Variants in EPHA5 observed in about 807,000 individuals in gnomAD.
EPHA5 encodes EPH receptor A5, also known as ephrin type-A receptor 5.
EPHA5 carries 60 observed loss-of-function variants against 105.0 expected under a neutral mutation model. The ratio of observed to expected loss-of-function variants is 0.57; its 90% CI spans 0.46 to 0.71. The LOEUF is 0.71. Ranked by LOEUF, EPHA5 falls within the 30% of genes least tolerant of loss-of-function variation. The pLI, the probability that EPHA5 is intolerant of heterozygous loss-of-function variation, is 0.00. For missense variants in EPHA5, 1,218 were observed against 1,274.7 expected (o/e 0.96, Z 0.68); for synonymous variants, 513 against 449.1 (o/e 1.14, Z -1.80).
intron 4 of EPHA5, 123 bp downstream of exon 4, chr4:65,495,265 G>T: frequency 3.7e-6 from 4 of 1,095,336 alleles, no homozygotes; most frequent in Non-Finnish European, 3.9e-6. Flanking sequence ...AAACTGTATA[G>T]AGATGATTAA....
intron 15 of EPHA5, among the ~76,000 whole-genome samples, chr4:65,332,906 AG>A (rs1274908834): frequency 6.6e-6 from 1 of 151,920 alleles, no homozygotes; most frequent in Non-Finnish European, 1.5e-5. Context: ...CTGGAAGTTA[AG>A]AAACTATTTA....
intron 5 of EPHA5, among the ~76,000 whole-genome samples, chr4:65,481,860 C>G (rs923084167): frequency 3.9e-5 from 6 of 152,170 alleles, no homozygotes; most frequent in African/African-American, 1.4e-4. Flanking sequence ...GTGCTAAATA[C>G]TTCTTCAATT....
chr4:65,613,307 T>C (rs1186966775), intron 2 of EPHA5, among the ~76,000 whole-genome samples: 1 of 152,124 alleles, frequency 6.6e-6, no homozygotes, highest in Non-Finnish European at 1.5e-5. Context: ...TTAGGTAATG[T>C]GATGCCTCCA....
chr4:65,599,219 T>A (rs1743471665), intron 3 of EPHA5, among the ~76,000 whole-genome samples: 1 of 151,964 alleles, frequency 6.6e-6, no homozygotes, highest in Non-Finnish European at 1.5e-5. Context: ...AGGAAAGAGA[T>A]GAGAGAAATG....
chr4:65,531,053 C>T (rs1735738931), intron 3 of EPHA5, among the ~76,000 whole-genome samples: 1 of 146,272 alleles, frequency 6.8e-6, no homozygotes, highest in Admixed American at 6.9e-5. Flanking sequence ...TTTTTTGAGA[C>T]GGAGTCTCGC....
intron 3 of EPHA5, among the ~76,000 whole-genome samples, chr4:65,571,922 A>C (rs1560712926): frequency 6.6e-6 from 1 of 152,074 alleles, no homozygotes; most frequent in Non-Finnish European, 1.5e-5. Context: ...TGTTATATAC[A>C]GTTATATATT....
chr4:65,429,383 AG>A (rs1724764363), intron 5 of EPHA5, among the ~76,000 whole-genome samples: 1 of 151,906 alleles, frequency 6.6e-6, no homozygotes, highest in African/African-American at 2.4e-5. Context: ...AAATTTTTAT[AG>A]CTTATGTTTA....
At chr4:65,595,588 T>TTA (rs1560748931) in intron 3 of EPHA5, among the ~76,000 whole-genome samples, 13 of 151,534 alleles carry the variant, frequency 8.6e-5, no homozygotes, top group Admixed American at 3.3e-4. Flanking sequence ...AAGATTTTTT[T>TTA]TTTTTTTTTT....
intron 2 of EPHA5, among the ~76,000 whole-genome samples, chr4:65,605,344 G>A (rs1446620632): frequency 1.3e-5 from 2 of 152,142 alleles, no homozygotes; most frequent in Non-Finnish European, 2.9e-5. Flanking sequence ...CAAGCCGTTA[G>A]GAACTAGTTT....
At chr4:65,334,237 C>G (rs368892010) in intron 15 of EPHA5, among the ~76,000 whole-genome samples, 5 of 151,896 alleles carry the variant, frequency 3.3e-5, no homozygotes, top group African/African-American at 1.2e-4. Flanking sequence ...CAGCACCTAG[C>G]CCACAGCATG....
intron 8 of EPHA5, among the ~76,000 whole-genome samples, chr4:65,389,124 T>C (rs4860657): frequency 0.53 from 80,149 of 151,788 alleles, 21,615 homozygotes; most frequent in East Asian, 0.79. Context: ...AGATTGGACC[T>C]CTAAATTGGT....
intron 1 of EPHA5, among the ~76,000 whole-genome samples, chr4:65,657,326 TTA>T (rs1386422201): frequency 6.6e-6 from 1 of 152,092 alleles, no homozygotes; most frequent in African/African-American, 2.4e-5. Context: ...CAAAAAAAAT[TTA>T]TGTTATGTTG....
intron 5 of EPHA5, among the ~76,000 whole-genome samples, chr4:65,481,747 C>T (rs949082319): frequency 4.6e-5 from 7 of 152,124 alleles, no homozygotes; most frequent in African/African-American, 7.2e-5. Context: ...ATGGATTTTA[C>T]GTGTTCCTGA....
intron 1 of EPHA5, among the ~76,000 whole-genome samples, chr4:65,664,113 A>G (rs1749768444): frequency 6.6e-6 from 1 of 151,938 alleles, no homozygotes; most frequent in African/African-American, 2.4e-5. Context: ...TCAGAAACTA[A>G]AAGTAAATAT....
intron 5 of EPHA5, among the ~76,000 whole-genome samples, chr4:65,424,220 AATG>A (rs1451963848): frequency 6.6e-6 from 1 of 151,996 alleles, no homozygotes. Flanking sequence ...TGACACAAAC[AATG>A]ATATCAATGA....
At chr4:65,601,057 G>T (rs1380185685) in intron 3 of EPHA5, among the ~76,000 whole-genome samples, 1 of 152,082 alleles carries the variant, frequency 6.6e-6, no homozygotes, top group Non-Finnish European at 1.5e-5. Context: ...TGCTTATTAT[G>T]CATTTAAAAA....
chr4:65,377,149 T>G (rs1577958704), intron 8 of EPHA5: 1 of 1,288,906 alleles, frequency 7.8e-7, no homozygotes, highest in Non-Finnish European at 1.0e-6. Flanking sequence ...TTTACTCAGG[T>G]GTCTGCTTTC....
At chr4:65,389,164 T>C (rs1293256841) in intron 8 of EPHA5, among the ~76,000 whole-genome samples, 3 of 152,004 alleles carry the variant, frequency 2.0e-5, no homozygotes, top group African/African-American at 2.4e-5. Flanking sequence ...TGCAGCAAAT[T>C]AGGAAAATCA....
intron 2 of EPHA5, among the ~76,000 whole-genome samples, chr4:65,602,681 T>G (rs1743855462): frequency 6.6e-6 from 1 of 151,958 alleles, no homozygotes; most frequent in South Asian, 2.1e-4. Context: ...TTGAATAAAG[T>G]TCAGCATATA....
Sources: gnomAD v4.1 joint callset for allele counts (sites outside exome capture counted in the v4.1 genomes callset) on GRCh38, gnomAD v4.1.1 for gene constraint, MANE v1.5 for transcripts, NCBI Gene and HGNC (gene_info 2026-07-23, HGNC 2026-07-21) for gene names.